ASCL2: variants seen among roughly 807,000 people sequenced by gnomAD.
ASCL2 encodes achaete-scute homolog 2.
Under a neutral mutation model 5.1 loss-of-function variants are expected in ASCL2, and 6 were observed. The observed-to-expected ratio is 1.17, with a 90% confidence interval of 0.64 to 2.31. The LOEUF is 2.31. ASCL2 is among the 30% of genes most tolerant of loss of function. ASCL2 has a pLI of 0.00. For synonymous variants in ASCL2, 174 were observed against 157.3 expected, an observed-to-expected ratio of 1.11 and a Z score of -0.80; for missense variants, 320 against 310.3, an observed-to-expected ratio of 1.03 and a Z score of -0.23.
Position 2,270,449 on chromosome 11 carries a change from C to T in ASCL2, c.-117G>A. 1.6e-6 allele frequency: 2 copies of T among 1,253,854 alleles called. No homozygotes were observed. Among genetic ancestry groups the T allele is most frequent in the South Asian group, 3.6e-5 (1 of 27,566 alleles). The allele number at this position is 1,253,854 out of a possible 1,614,324, so 77.7% of individuals were successfully genotyped here. On this transcript the variant is annotated 5_prime_UTR_variant, in exon 1 of 2. Transcript: ENST00000331289. Reference sequence around the variant, plus strand: ...CCCCAAGGGGGCTTCTGGCACGGCGCCGCCAGGCAACTCCCCAGGGCACGC... The same window carrying T: ...CCCCAAGGGGGCTTCTGGCACGGCGTCGCCAGGCAACTCCCCAGGGCACGC...
At chr11:2,269,337 A>C (rs1847221068) in intron 1 of ASCL2, among the ~76,000 whole-genome samples, 1 of 148,188 alleles carries the variant, frequency 6.7e-6, no homozygotes, top group African/African-American at 2.5e-5. Flanking sequence ...GCGGTGAGTC[A>C]GGGCTCCGCG....
chr11:2,270,115 A>C lies in ASCL2; in HGVS notation c.218T>G (p.Leu73Arg). The change falls in exon 1 of 2, where the codon CTG becomes CGG. Residue 73 changes from leucine to arginine, a missense_variant. Leu to Arg is a moderately radical substitution (Grantham distance 102). Coordinates refer to ENST00000331289, the MANE Select transcript of ASCL2 (RefSeq NM_005170.3). ...GCCGCCGTGCGGCACGTGCTGCCGCAGCGCCTGGAAGCCCAAGTTCACCAG... is the reference window on the plus strand; with the variant it reads ...GCCGCCGTGCGGCACGTGCTGCCGCCGCGCCTGGAAGCCCAAGTTCACCAG... ...VKLVNLGFQA[L>R]RQHVPHGGAS... is the part of the protein sequence containing the mutation. 1 of 1,519,640 alleles carries C rather than the reference A, an allele frequency of 6.6e-7. No individual in the cohort carries two copies. Among genetic ancestry groups the C allele is most frequent in the Non-Finnish European group, 8.8e-7 (1 of 1,140,006 alleles). 94.1% of individuals were successfully genotyped at this position (1,519,640 alleles called of 1,614,324 possible). A position where few individuals can be genotyped will look rare whatever the true frequency, so the allele number is the denominator to read the frequency against.
Position 2,269,871 on chromosome 11 carries a change from G to GC in ASCL2, c.461dup (p.Ser155GlnfsTer46). 1 of 1,344,430 alleles carries GC rather than the reference G, an allele frequency of 7.4e-7. No homozygotes were observed. Among genetic ancestry groups the GC allele is most frequent in the South Asian group, 1.9e-5 (1 of 51,908 alleles). The allele number at this position is 1,344,430 out of a possible 1,614,324, so 83.3% of individuals were successfully genotyped here. A position where few individuals can be genotyped will look rare whatever the true frequency, so the allele number is the denominator to read the frequency against. The stretch of plus-strand genomic sequence containing the variant: ...AACGCGGGGAGCCGGGCTCCGAGCT[G>GC]CCCCCGCGGCCCGGGGACGAAGAAG... On this transcript the variant is annotated frameshift_variant, in exon 1 of 2. Transcript: ENST00000331289. LOFTEE classifies it low-confidence loss of function (END_TRUNC).
At position 2,270,090 on chromosome 11, in the gene ASCL2, G is replaced by T. The variant is rs776595190; in HGVS notation, c.243C>A (p.Gly81=). The change falls in exon 1 of 2, where the codon GGC becomes GGA. Residue 81 remains glycine (G), a synonymous_variant. Transcript: ENST00000331289. ...QALRQHVPHG[G]ASKKLSKVET... ...CCACCTTGCTCAGCTTCTTGCTGGC[G>T]CCGCCGTGCGGCACGTGCTGCCGCA... 2.2e-5 allele frequency: 33 copies of T among 1,499,672 alleles called. No homozygotes were observed. Among genetic ancestry groups the T allele is most frequent in the African/African-American group, 4.3e-5 (3 of 69,128 alleles). The allele number at this position is 1,499,672 out of a possible 1,614,324, so 92.9% of individuals were successfully genotyped here.
chr11:2,269,685 TCCACCCCG>T, intron 1 of ASCL2, 40 bp downstream of exon 1: 1 of 369,936 alleles, frequency 2.7e-6, no homozygotes, highest in South Asian at 9.4e-5. Flanking sequence ...ACCCCGTCCC[TCCACCCCG>T]GCCCCCGGCC....
rs755293969 is a variant in ASCL2 at position 2,270,132 on chromosome 11, G to A, written c.201C>T (p.Asn67=). The A allele has an allele frequency of 3.9e-6, 6 of 1,529,464 alleles. 1 individual carries two copies. The South Asian group carries it at 4.8e-5, about 12-fold the overall frequency. The allele number at this position is 1,529,464 out of a possible 1,614,324, so 94.7% of individuals were successfully genotyped here. A position where few individuals can be genotyped will look rare whatever the true frequency, so the allele number is the denominator to read the frequency against. Residue 67 remains asparagine (N), a synonymous_variant, in exon 1 of 2, where the codon AAC becomes AAT. Transcript: ENST00000331289. ...ERERNRVKLV[N]LGFQALRQHV... ...GCTGCCGCAGCGCCTGGAAGCCCAA[G>A]TTCACCAGCTTCACGCGGTTGCGCT...
In ASCL2 at chr11:2,270,110, G is replaced by A; in HGVS notation, c.223C>T (p.Gln75Ter). 6.6e-7 allele frequency: 1 copy of A among 1,515,772 alleles called. No individual in the cohort carries two copies. Among genetic ancestry groups the A allele is most frequent in the Non-Finnish European group, 8.8e-7 (1 of 1,137,900 alleles). The allele number at this position is 1,515,772 out of a possible 1,614,324, so 93.9% of individuals were successfully genotyped here. Residue 75 changes from glutamine to a stop codon, truncating the protein, a stop_gained, in exon 1 of 2, where the codon CAG becomes TAG. Coordinates refer to ENST00000331289, the MANE Select transcript of ASCL2 (RefSeq NM_005170.3). LOFTEE classifies it high-confidence loss of function. Reference protein sequence around the residue: ...LVNLGFQALRQHVPHGGASKK... With the variant: ...LVNLGFQALR ...CTGGCGCCGCCGTGCGGCACGTGCT[G>A]CCGCAGCGCCTGGAAGCCCAAGTTC...
At position 2,270,266 on chromosome 11, in the gene ASCL2, G is replaced by A. The variant is rs1847234497; in HGVS notation, c.67C>T (p.Arg23Trp). The change falls in exon 1 of 2, where the codon CGG becomes TGG. Residue 23 changes from arginine (R) to tryptophan (W), a missense_variant. Physicochemically the swap from Arg to Trp is moderately radical, Grantham distance 101. Coordinates refer to ENST00000331289, the MANE Select transcript of ASCL2 (RefSeq NM_005170.3). ...APPVPVGCAA[R>W]RRPASPELLR... is the part of the protein sequence containing the mutation. ...AGTTCCGGGGACGCGGGTCTCCGCC[G>A]GGCAGCGCAGCCGACAGGGACGGGG... 1.5e-6 allele frequency: 2 copies of A among 1,371,890 alleles called. No individual in the cohort carries two copies. Among genetic ancestry groups the A allele is most frequent in the Non-Finnish European group, 1.9e-6 (2 of 1,070,116 alleles). The allele number at this position is 1,371,890 out of a possible 1,614,324, so 85.0% of individuals were successfully genotyped here.
chr11:2,270,504 G>A lies in ASCL2; in HGVS notation c.-172C>T. 1 of 1,180,994 alleles carries A rather than the reference G, an allele frequency of 8.5e-7. No individual in the cohort carries two copies. Among genetic ancestry groups the A allele is most frequent in the East Asian group, 3.3e-5 (1 of 30,650 alleles). The allele number at this position is 1,180,994 out of a possible 1,614,324, so 73.2% of individuals were successfully genotyped here. On this transcript the variant is annotated 5_prime_UTR_variant, in exon 1 of 2. Transcript: ENST00000331289. ...TAGGTCGTCTGGAGCCCGGGGATAG[G>A]AGGCCTAGTGGTGGCAGGCCGTACG...
Position 2,270,508 on chromosome 11 carries a change from C to G in ASCL2, c.-176G>C. 6 of 1,166,778 alleles carry G rather than the reference C, an allele frequency of 5.1e-6. No homozygotes were observed. The highest frequency in any genetic ancestry group is 6.5e-6 in the Non-Finnish European group (6 of 917,718). The allele number at this position is 1,166,778 out of a possible 1,614,324, so 72.3% of individuals were successfully genotyped here. The stretch of plus-strand genomic sequence containing the variant: ...TCGTCTGGAGCCCGGGGATAGGAGG[C>G]CTAGTGGTGGCAGGCCGTACGCGCC... On this transcript the variant is annotated 5_prime_UTR_variant, in exon 1 of 2. Transcript: ENST00000331289.
In ASCL2 at chr11:2,270,146, C is replaced by T. The variant is rs748262851; in HGVS notation, c.187G>A (p.Val63Met). 3 of 1,528,064 alleles carry T rather than the reference C, an allele frequency of 2.0e-6. No individual in the cohort carries two copies. The highest frequency in any genetic ancestry group is 2.0e-5 in the Admixed American group (1 of 49,524). 94.7% of individuals were successfully genotyped at this position (1,528,064 alleles called of 1,614,324 possible). The change falls in exon 1 of 2, where the codon GTG becomes ATG. Residue 63 changes from valine (V) to methionine (M), a missense_variant. By Grantham distance (21) the Val-to-Met change is conservative. Coordinates refer to ENST00000331289, the MANE Select transcript of ASCL2 (RefSeq NM_005170.3). ...TGGAAGCCCAAGTTCACCAGCTTCA[C>T]GCGGTTGCGCTCGCGCTCATTGCGC... ...ARRNERERNRVKLVNLGFQAL... is the reference protein window; with the variant it reads ...ARRNERERNRMKLVNLGFQAL...
chr11:2,269,377 C>G (rs1171433176), intron 1 of ASCL2, among the ~76,000 whole-genome samples: 1 of 151,974 alleles, frequency 6.6e-6, no homozygotes, highest in African/African-American at 2.4e-5. Context: ...CGCCCCGGCC[C>G]GGGAGCGCGA....
intron 1 of ASCL2, 104 bp downstream of exon 1, chr11:2,269,629 G>T (rs1344561328): frequency 9.4e-7 from 1 of 1,068,712 alleles, no homozygotes. Flanking sequence ...CGGGCCTGGC[G>T]CTCGGCTCCG....
rs1847227533 is a variant in ASCL2 at position 2,269,799 on chromosome 11, A to T, written c.534T>A (p.Pro178=). The T allele has an allele frequency of 4.2e-6, 6 of 1,444,860 alleles. No individual in the cohort carries two copies. The African/African-American group carries it at 4.4e-5, about 11-fold the overall frequency. The allele number at this position is 1,444,860 out of a possible 1,614,324, so 89.5% of individuals were successfully genotyped here. Residue 178 remains proline (P), a synonymous_variant, in exon 1 of 2, where the codon CCT becomes CCA. Transcript: ENST00000331289. ...AGAAGTCGAGTAGCTCGCGCTCCGC[A>T]GGACTCAGCGCGCCTTCGCAGCCGC... ...DDSGCEGALS[P]AERELLDFSS... is the part of the protein sequence containing the mutation.
Position 2,270,192 on chromosome 11 carries a change from G to T in ASCL2, c.141C>A (p.Gly47=). The part of the protein sequence containing the change: ...RRRPATAETG[G]GAAAVARRNE... ...TGCGCCGCGCTACGGCCGCTGCGCC[G>T]CCTCCGGTCTCTGCGGTGGCCGGTC... The change falls in exon 1 of 2, where the codon GGC becomes GGA. Residue 47 remains glycine, a synonymous_variant. Coordinates refer to ENST00000331289, the MANE Select transcript of ASCL2 (RefSeq NM_005170.3). 6.7e-7 allele frequency: 1 copy of T among 1,492,010 alleles called. No individual in the cohort carries two copies. The highest frequency in any genetic ancestry group is 8.9e-7 in the Non-Finnish European group (1 of 1,128,272). The allele number at this position is 1,492,010 out of a possible 1,614,324, so 92.4% of individuals were successfully genotyped here.
chr11:2,269,962 G>A lies in ASCL2; in HGVS notation c.371C>T (p.Ala124Val). 2 of 1,300,506 alleles carry A rather than the reference G, an allele frequency of 1.5e-6. No homozygotes were observed. Among genetic ancestry groups the A allele is most frequent in the Non-Finnish European group, 2.0e-6 (2 of 1,023,800 alleles). The allele number at this position is 1,300,506 out of a possible 1,614,324, so 80.6% of individuals were successfully genotyped here. Residue 124 changes from alanine (A) to valine (V), a missense_variant, in exon 1 of 2, where the codon GCC becomes GTC. Physicochemically the swap from Ala to Val is moderately conservative, Grantham distance 64. Transcript: ENST00000331289. ...CCCGCGGGGCGCAGACGGCCGCACG[G>A]CCTGCGGCCTCAGCCCTCCCGCCAG... Reference protein sequence around the residue: ...NALAGGLRPQAVRPSAPRGPP... With the variant: ...NALAGGLRPQVVRPSAPRGPP...
In ASCL2 at chr11:2,270,100, G is replaced by T. The variant is rs758072033; in HGVS notation, c.233C>A (p.Pro78Gln). 6.6e-7 allele frequency: 1 copy of T among 1,508,722 alleles called. No homozygotes were observed. 93.5% of individuals were successfully genotyped at this position (1,508,722 alleles called of 1,614,324 possible). A position where few individuals can be genotyped will look rare whatever the true frequency, so the allele number is the denominator to read the frequency against. Reference sequence around the variant, plus strand: ...CAGCTTCTTGCTGGCGCCGCCGTGCGGCACGTGCTGCCGCAGCGCCTGGAA... The same window carrying T: ...CAGCTTCTTGCTGGCGCCGCCGTGCTGCACGTGCTGCCGCAGCGCCTGGAA... ...LGFQALRQHVPHGGASKKLSK... is the reference protein window; with the variant it reads ...LGFQALRQHVQHGGASKKLSK... Residue 78 changes from proline to glutamine, a missense_variant, in exon 1 of 2, where the codon CCG (proline) becomes CAG (glutamine). Pro to Gln is a moderately conservative substitution (Grantham distance 76, BLOSUM62 -1). Coordinates refer to ENST00000331289, the MANE Select transcript of ASCL2 (RefSeq NM_005170.3).
chr11:2,268,963 C>A lies in ASCL2; in HGVS notation c.*182G>T, dbSNP rs1421474462. On this transcript the variant is annotated 3_prime_UTR_variant, in exon 2 of 2. Transcript: ENST00000331289. The surrounding 1 kb of genome is among the most constrained non-coding windows in gnomAD (Gnocchi z 4.5). ...GGGGCCAGCTCCAAGCCCGTTTCCA[C>A]CGCGGCATTGGTCAGGCTGGGCCGG... 1 of 146,404 alleles carries A rather than the reference C, an allele frequency of 6.8e-6. No homozygotes were observed. Among genetic ancestry groups the A allele is most frequent in the Non-Finnish European group, 1.5e-5 (1 of 66,660 alleles). The allele number at this position is 146,404 out of a possible 1,614,324, so 9.1% of individuals were successfully genotyped here.
At position 2,270,078 on chromosome 11, in the gene ASCL2, C is replaced by T. The variant is rs906597790; in HGVS notation, c.255G>A (p.Lys85=). 1.3e-6 allele frequency: 2 copies of T among 1,495,596 alleles called. No homozygotes were observed. The highest frequency in any genetic ancestry group is 8.9e-7 in the Non-Finnish European group (1 of 1,126,440). The allele number at this position is 1,495,596 out of a possible 1,614,324, so 92.6% of individuals were successfully genotyped here. The change falls in exon 1 of 2, where the codon AAG becomes AAA. Residue 85 remains lysine (K), a synonymous_variant. Transcript: ENST00000331289. ...AGCGCAGCGTCTCCACCTTGCTCAG[C>T]TTCTTGCTGGCGCCGCCGTGCGGCA... is the stretch of plus-strand genomic sequence containing the variant. The part of the protein sequence containing the change: ...QHVPHGGASK[K]LSKVETLRSA...
Sources: gnomAD v4.1 joint callset for allele counts (sites outside exome capture counted in the v4.1 genomes callset) on GRCh38, gnomAD v4.1.1 for gene constraint, Gnocchi (gnomAD v3.1) non-coding constraint, MANE v1.5 for transcripts, NCBI Gene and HGNC (gene_info 2026-07-23, HGNC 2026-07-21) for gene names.